ZDHHC2: variants seen among roughly 807,000 people sequenced by gnomAD.
ZDHHC2 encodes palmitoyltransferase ZDHHC2.
A neutral mutation model predicts 55.6 loss-of-function variants in ZDHHC2; 51 were observed. The ratio of observed to expected loss-of-function variants is 0.92; its 90% CI spans 0.73 to 1.16. The LOEUF (loss-of-function observed/expected upper bound fraction) is 1.16, where lower values mean the gene tolerates loss of function less well. ZDHHC2 is among the 50% of genes most tolerant of loss of function. The pLI is 0.00. For missense variants in ZDHHC2, 491 were observed against 442.4 expected (o/e 1.11, Z -0.99); for synonymous variants, 199 against 152.9 (o/e 1.30, Z -2.22).
rs537391401 is a variant in ZDHHC2 at position 17,218,964 on chromosome 8, A to C, written c.*35-1292A>C. On this transcript the variant is annotated intron_variant, in intron 12 of 12. Transcript: ENST00000262096. The stretch of plus-strand genomic sequence containing the variant: ...TGCCTAATTTATATTAAATATCTTC[A>C]TATTGGCCGGGCGCGGTGGCTCACG... 5.3e-5 allele frequency among the ~76,000 whole-genome samples: 8 copies of C among 152,196 alleles called. No homozygotes were observed. The South Asian group carries it at 1.5e-3, about 28-fold the overall frequency.
chr8:17,191,172 G>T (rs931376395), intron 3 of ZDHHC2, among the ~76,000 whole-genome samples: 1 of 151,864 alleles, frequency 6.6e-6, no homozygotes, highest in East Asian at 1.9e-4. Flanking sequence ...ATGTTGGCCA[G>T]GCTGGTCTCA....
At position 17,210,067 on chromosome 8, in the gene ZDHHC2, T is replaced by G; in HGVS notation, c.857+9T>G. ...CTACCCATTTTTTCAAGGTACTTCT[T>G]TGTTAAAATTTTCAGGCTTTAAACT... is the stretch of plus-strand genomic sequence containing the variant. On this transcript the variant is annotated intron_variant, in intron 9 of 12. Transcript: ENST00000262096. 1 of 1,582,478 alleles carries G rather than the reference T, an allele frequency of 6.3e-7. No individual in the cohort carries two copies. The highest frequency in any genetic ancestry group is 1.2e-5 in the South Asian group (1 of 86,838).
Position 17,221,697 on chromosome 8 carries a change from C to T in ZDHHC2, c.*1476C>T, listed in dbSNP as rs1047061609. The T allele has an allele frequency of 3.9e-5, 6 of 152,392 alleles. No homozygotes were observed. The highest frequency in any genetic ancestry group is 1.4e-4 in the African/African-American group (6 of 41,406). The allele number at this position is 152,392 out of a possible 1,614,324, so 9.4% of individuals were successfully genotyped here. A position where few individuals can be genotyped will look rare whatever the true frequency, so the allele number is the denominator to read the frequency against. Reference sequence around the variant, plus strand: ...ATATTAATTGTGCTTATGGAAGAAACAATGTCAGCCAAGTCCATTTTATAG... The same window carrying T: ...ATATTAATTGTGCTTATGGAAGAAATAATGTCAGCCAAGTCCATTTTATAG... On this transcript the variant is annotated 3_prime_UTR_variant, in exon 13 of 13. Coordinates refer to ENST00000262096, the MANE Select transcript of ZDHHC2 (RefSeq NM_016353.5).
chr8:17,206,177 T>TA (rs761764185), intron 7 of ZDHHC2, among the ~76,000 whole-genome samples: 3 of 152,204 alleles, frequency 2.0e-5, no homozygotes, highest in Non-Finnish European at 4.4e-5. Flanking sequence ...CAAAAAATCT[T>TA]AAAGTGTAGT....
chr8:17,197,601 A>T lies in ZDHHC2; in HGVS notation c.393A>T (p.Arg131Ser), dbSNP rs1340444928. ...CCCTAGCCATCCGATACTGTGACAG[A>T]TGCCAACTTATAAAACCAGATCGCT... ...TMSGAIRYCD[R>S]CQLIKPDRCH... Residue 131 changes from arginine to serine, a missense_variant, in exon 5 of 13, where the codon AGA becomes AGT. Physicochemically the swap from Arg to Ser is moderately radical, Grantham distance 110. Coordinates refer to ENST00000262096, the MANE Select transcript of ZDHHC2 (RefSeq NM_016353.5). 3 of 1,613,848 alleles carry T rather than the reference A, an allele frequency of 1.9e-6. No individual in the cohort carries two copies. The highest frequency in any genetic ancestry group is 2.5e-6 in the Non-Finnish European group (3 of 1,179,760).
intron 6 of ZDHHC2, among the ~76,000 whole-genome samples, chr8:17,200,232 G>C (rs527947270): frequency 6.6e-6 from 1 of 152,198 alleles, no homozygotes. Flanking sequence ...CTGCCTGAGG[G>C]GGTCTCTTCT....
intron 1 of ZDHHC2, among the ~76,000 whole-genome samples, chr8:17,175,654 A>G (rs1424254972): frequency 1.3e-5 from 2 of 152,362 alleles, no homozygotes; most frequent in South Asian, 2.1e-4. Context: ...GCTCGGTGAG[A>G]TAAACATTGA....
At chr8:17,171,620 A>G (rs1804858362) in intron 1 of ZDHHC2, among the ~76,000 whole-genome samples, 1 of 152,038 alleles carries the variant, frequency 6.6e-6, no homozygotes, top group Non-Finnish European at 1.5e-5. Flanking sequence ...TAGATTTTAC[A>G]CCATCTGTTT....
At chr8:17,208,471 A>G (rs112125064) in intron 8 of ZDHHC2, among the ~76,000 whole-genome samples, 1 of 151,974 alleles carries the variant, frequency 6.6e-6, no homozygotes, top group East Asian at 1.9e-4. Context: ...GAAATACATT[A>G]ATGAGGTTGG....
At chr8:17,202,548 T>C (rs191698719) in intron 6 of ZDHHC2, among the ~76,000 whole-genome samples, 2 of 152,162 alleles carry the variant, frequency 1.3e-5, no homozygotes, top group Non-Finnish European at 2.9e-5. Context: ...CGTGTTTTGT[T>C]TCTCCATATG....
chr8:17,193,932 A>G (rs1361397658), intron 3 of ZDHHC2, among the ~76,000 whole-genome samples: 3 of 151,950 alleles, frequency 2.0e-5, no homozygotes, highest in Non-Finnish European at 4.4e-5. Context: ...TCCCCACCCC[A>G]CGACAGGCCC....
intron 1 of ZDHHC2, among the ~76,000 whole-genome samples, chr8:17,176,798 T>C (rs554856526): frequency 6.6e-6 from 1 of 151,124 alleles, no homozygotes; most frequent in East Asian, 1.9e-4. Context: ...AAAATCACAA[T>C]GACATATAAG....
At chr8:17,190,961 T>C (rs1454655276) in intron 3 of ZDHHC2, among the ~76,000 whole-genome samples, 7 of 132,394 alleles carry the variant, frequency 5.3e-5, no homozygotes, top group African/African-American at 2.0e-4. Context: ...CTTTTTTTTT[T>C]TTTTTTTTTT....
intron 1 of ZDHHC2, among the ~76,000 whole-genome samples, chr8:17,159,733 G>C (rs556526860): frequency 6.6e-6 from 1 of 152,150 alleles, no homozygotes; most frequent in African/African-American, 2.4e-5. Flanking sequence ...GGTTAAGTCA[G>C]CTTCCTATTC....
At chr8:17,164,184 A>AT (rs1804492738) in intron 1 of ZDHHC2, among the ~76,000 whole-genome samples, 3 of 152,160 alleles carry the variant, frequency 2.0e-5, no homozygotes, top group Non-Finnish European at 4.4e-5. Context: ...ATTTTTCCTA[A>AT]TTTGACTTTT....
At chr8:17,218,508 T>C (rs567690020) in intron 12 of ZDHHC2, among the ~76,000 whole-genome samples, 3 of 152,324 alleles carry the variant, frequency 2.0e-5, no homozygotes, top group Non-Finnish European at 4.4e-5. Flanking sequence ...GGTAATATTA[T>C]ATAAAAGCCA....
chr8:17,176,654 A>G (rs1279652556), intron 1 of ZDHHC2, among the ~76,000 whole-genome samples: 1 of 152,178 alleles, frequency 6.6e-6, no homozygotes, highest in Non-Finnish European at 1.5e-5. Context: ...CTGCCAGTGC[A>G]GAGGATCAAG....
At chr8:17,190,299 C>T (rs1485402486) in intron 3 of ZDHHC2, among the ~76,000 whole-genome samples, 1 of 151,860 alleles carries the variant, frequency 6.6e-6, no homozygotes, top group East Asian at 1.9e-4. Context: ...AATAAATACT[C>T]ATCTGTTAGC....
At chr8:17,171,976 A>G (rs1158664875) in intron 1 of ZDHHC2, among the ~76,000 whole-genome samples, 2 of 151,932 alleles carry the variant, frequency 1.3e-5, no homozygotes, top group African/African-American at 4.8e-5. Context: ...AACTTGTGCA[A>G]GCTGACTCCC....
Sources: gnomAD v4.1 joint callset for allele counts (sites outside exome capture counted in the v4.1 genomes callset) on GRCh38, gnomAD v4.1.1 for gene constraint, MANE v1.5 for transcripts, NCBI Gene and HGNC (gene_info 2026-07-23, HGNC 2026-07-21) for gene names.